The following TMEM117 variants were observed in gnomAD, a reference collection of about 807,000 sequenced individuals.
TMEM117 encodes the protein transmembrane protein 117.
Under a neutral mutation model 52.4 loss-of-function variants are expected in TMEM117, and 27 were observed. That is an observed-to-expected ratio of 0.51 (90% confidence interval 0.38 to 0.71). The LOEUF is 0.71. Ranked by LOEUF, TMEM117 falls within the 30% of genes least tolerant of loss-of-function variation. The pLI is 0.00. For synonymous variants in TMEM117, 215 were observed against 206.3 expected, an observed-to-expected ratio of 1.04 and a Z score of -0.36; for missense variants, 556 against 630.5, an observed-to-expected ratio of 0.88 and a Z score of 1.26.
At chr12:44,086,542 A>C (rs993097418) in intron 3 of TMEM117, among the ~76,000 whole-genome samples, 1 of 151,890 alleles carries the variant, frequency 6.6e-6, no homozygotes, top group Non-Finnish European at 1.5e-5. Flanking sequence ...CCTCCATTGT[A>C]CTTTGGTCCT....
chr12:43,888,547 T>TC (rs57621457), intron 2 of TMEM117, among the ~76,000 whole-genome samples: 2,573 of 17,610 alleles, frequency 0.15, 75 homozygotes, highest in Middle Eastern at 0.25. Flanking sequence ...AGTTTTCTTT[T>TC]TTTTTTTTTT....
intron 5 of TMEM117, among the ~76,000 whole-genome samples, chr12:44,289,604 G>A (rs1950679673): frequency 7.0e-6 from 1 of 142,182 alleles, no homozygotes; most frequent in African/African-American, 2.7e-5. Context: ...CTAGGCTGGA[G>A]TGCAGTGGCA....
chr12:43,813,864 T>C, the TMEM117 span, among the ~76,000 whole-genome samples: 1 of 152,026 alleles, frequency 6.6e-6, no homozygotes, highest in Non-Finnish European at 1.5e-5. Flanking sequence ...CCTCCTCCCT[T>C]CCTTTTTTTC....
At chr12:44,161,558 A>G (rs78152499) in intron 4 of TMEM117, among the ~76,000 whole-genome samples, 2,909 of 152,322 alleles carry the variant, frequency 0.019, 81 homozygotes, top group African/African-American at 0.066. Flanking sequence ...TGGAATTTAT[A>G]TATGCCATTT....
chr12:44,068,222 C>T (rs1288356277), intron 3 of TMEM117, among the ~76,000 whole-genome samples: 3 of 152,168 alleles, frequency 2.0e-5, no homozygotes, highest in Non-Finnish European at 4.4e-5. Flanking sequence ...AAAACTTTCT[C>T]CAAATCAGCA....
chr12:43,946,978 A>AT (rs1282093770), intron 3 of TMEM117, among the ~76,000 whole-genome samples: 3 of 152,202 alleles, frequency 2.0e-5, no homozygotes, highest in Non-Finnish European at 4.4e-5. Flanking sequence ...GAGAGGATAT[A>AT]TTAAAGGTGC....
chr12:44,013,946 T>G (rs1294238081), intron 3 of TMEM117, among the ~76,000 whole-genome samples: 1 of 152,186 alleles, frequency 6.6e-6, no homozygotes, highest in African/African-American at 2.4e-5. Context: ...ACTTCTAAAC[T>G]CCTGACATGT....
intron 3 of TMEM117, among the ~76,000 whole-genome samples, chr12:44,128,288 T>C (rs1948360271): frequency 1.3e-5 from 2 of 152,202 alleles, no homozygotes; most frequent in African/African-American, 4.8e-5. Flanking sequence ...TGCCCTTCTC[T>C]GTAAAGCCTT....
chr12:44,387,992 C>G, intron 7 of TMEM117, 34 bp from the exon 8 acceptor site: 1 of 1,559,318 alleles, frequency 6.4e-7, no homozygotes, highest in Non-Finnish European at 8.7e-7. Context: ...TTTTATGGCC[C>G]TTTGATTAAT....
intron 6 of TMEM117, among the ~76,000 whole-genome samples, chr12:44,324,605 A>G (rs1951173179): frequency 6.6e-6 from 1 of 152,152 alleles, no homozygotes; most frequent in Non-Finnish European, 1.5e-5. Context: ...GGAAACAAAA[A>G]TGACCCTGAT....
intron 5 of TMEM117, among the ~76,000 whole-genome samples, chr12:44,214,138 ATTTTTTTTTTTTTT>A (rs773352634): frequency 2.0e-5 from 2 of 99,222 alleles, no homozygotes; most frequent in Admixed American, 1.4e-4. Context: ...TTTTTTTTTA[ATTTTTTTTTTTTTT>A]TTTTTTTTTT....
intron 5 of TMEM117, among the ~76,000 whole-genome samples, chr12:44,280,171 T>G (rs1950560853): frequency 6.6e-6 from 1 of 152,248 alleles, no homozygotes; most frequent in African/African-American, 2.4e-5. Context: ...ATTCAGGCCC[T>G]GACCTTTTCT....
intron 3 of TMEM117, among the ~76,000 whole-genome samples, chr12:44,066,123 G>A (rs1947218397): frequency 6.6e-6 from 1 of 152,136 alleles, no homozygotes; most frequent in South Asian, 2.1e-4. Flanking sequence ...TTGAACAGTT[G>A]GGCCCTTGAT....
intron 4 of TMEM117, among the ~76,000 whole-genome samples, chr12:44,197,801 G>A (rs1949440997): frequency 6.6e-6 from 1 of 152,086 alleles, no homozygotes. Flanking sequence ...TAATAAAACA[G>A]TCCATCACTC....
chr12:44,028,643 G>A (rs535482329), intron 3 of TMEM117, among the ~76,000 whole-genome samples: 2 of 152,244 alleles, frequency 1.3e-5, no homozygotes, highest in East Asian at 3.9e-4. Context: ...ACCCTATATG[G>A]TCTAAAAAGA....
intron 5 of TMEM117, among the ~76,000 whole-genome samples, chr12:44,275,056 C>G (rs188094673): frequency 6.6e-6 from 1 of 151,892 alleles, no homozygotes; most frequent in Non-Finnish European, 1.5e-5. Flanking sequence ...ACCCATCTGA[C>G]GATGAATGAC....
chr12:43,862,864 G>C (rs1943513386), intron 2 of TMEM117, among the ~76,000 whole-genome samples: 1 of 152,222 alleles, frequency 6.6e-6, no homozygotes, highest in African/African-American at 2.4e-5. Context: ...ACATCTGGGA[G>C]GCCAAGACAG....
intron 2 of TMEM117, among the ~76,000 whole-genome samples, chr12:43,932,049 A>G (rs1285209810): frequency 6.6e-6 from 1 of 152,088 alleles, no homozygotes; most frequent in Non-Finnish European, 1.5e-5. Flanking sequence ...TGTGCATGAA[A>G]ATCTATGTTT....
chr12:44,300,349 A>C (rs1044297608), intron 6 of TMEM117, among the ~76,000 whole-genome samples: 1 of 152,188 alleles, frequency 6.6e-6, no homozygotes, highest in Admixed American at 6.5e-5. Context: ...TTTTAGGACT[A>C]TTCTTTTGAA....
Sources: allele counts gnomAD v4.1 joint callset (sites outside exome capture counted in the v4.1 genomes callset), GRCh38; gene constraint gnomAD v4.1.1; transcripts MANE v1.5; gene names NCBI Gene and HGNC (gene_info 2026-07-23, HGNC 2026-07-21).